The following SERPINH1 variants were observed in gnomAD, a reference collection of about 807,000 sequenced individuals.
The protein encoded by SERPINH1 is serpin H1.
Under a neutral mutation model 32.3 loss-of-function variants are expected in SERPINH1, and 22 were observed. That is an observed-to-expected ratio of 0.68 (90% CI 0.49 to 0.97). The LOEUF is 0.97. Among genes scored for constraint, SERPINH1 ranks in the 50% least tolerant of loss-of-function variants. The probability of loss-of-function intolerance (pLI) is 0.00; values close to 1 mark genes in which losing one functional copy is unlikely to be tolerated. For missense variants in SERPINH1, 543 were observed against 576.4 expected (o/e 0.94, Z 0.59); for synonymous variants, 251 against 245.9 (o/e 1.02, Z -0.19).
At position 75,566,515 on chromosome 11, in the gene SERPINH1, C is replaced by T. The variant is rs1330692923; in HGVS notation, c.166C>T (p.Gln56Ter). 1 of 1,612,316 alleles carries T rather than the reference C, an allele frequency of 6.2e-7. No homozygotes were observed. The change falls in exon 2 of 5, where the codon CAG (glutamine) becomes TAG (stop). Residue 56 changes from glutamine (Q) to a stop codon, truncating the protein, a stop_gained. Coordinates refer to ENST00000358171, the MANE Select transcript of SERPINH1 (RefSeq NM_001235.5). LOFTEE classifies it high-confidence loss of function. Reference sequence around the variant, plus strand: ...CGCCGGCCTGGCCTTCAGCTTGTACCAGGCCATGGCCAAGGACCAGGCAGT... The same window carrying T: ...CGCCGGCCTGGCCTTCAGCTTGTACTAGGCCATGGCCAAGGACCAGGCAGT... Reference protein sequence around the residue: ...RSAGLAFSLYQAMAKDQAVEN... With the variant: ...RSAGLAFSLY
In SERPINH1 at chr11:75,572,225, T is replaced by A; in HGVS notation, c.*142T>A. On this transcript the variant is annotated 3_prime_UTR_variant, in exon 5 of 5. Transcript: ENST00000358171. ...GTGGAAAAACAGACCGGGGTTCCCG[T>A]GTGCCTGAGCGGACCTTCCCAGCTA... 1 of 818,576 alleles carries A rather than the reference T, an allele frequency of 1.2e-6. No individual in the cohort carries two copies. Among genetic ancestry groups the A allele is most frequent in the South Asian group, 1.5e-5 (1 of 68,372 alleles). 50.7% of individuals were successfully genotyped at this position (818,576 alleles called of 1,614,324 possible). A position where few individuals can be genotyped will look rare whatever the true frequency, so the allele number is the denominator to read the frequency against.
Position 75,572,183 on chromosome 11 carries a change from T to G in SERPINH1, c.*100T>G. 5 of 1,138,378 alleles carry G rather than the reference T, an allele frequency of 4.4e-6. No individual in the cohort carries two copies. The highest frequency in any genetic ancestry group is 6.4e-6 in the Non-Finnish European group (5 of 776,612). 70.5% of individuals were successfully genotyped at this position (1,138,378 alleles called of 1,614,324 possible). A position where few individuals can be genotyped will look rare whatever the true frequency, so the allele number is the denominator to read the frequency against. ...GGGGAGGTGAGGTACCAGCCTTGGA[T>G]ACTCCATGGGGTGGGGGTGGAAAAA... On this transcript the variant is annotated 3_prime_UTR_variant, in exon 5 of 5. Transcript: ENST00000358171.
In SERPINH1 at chr11:75,571,868, C is replaced by T. The variant is rs757716271; in HGVS notation, c.1042C>T (p.Leu348=). ...CATGTCAGGCAAGAAGGACCTGTAC[C>T]TGGCCAGCGTGTTCCACGCCACCGC... ...SRMSGKKDLY[L]ASVFHATAFE... is the part of the protein sequence containing the mutation. Residue 348 remains leucine (L), a synonymous_variant, in exon 5 of 5, where the codon CTG becomes TTG. Coordinates refer to ENST00000358171, the MANE Select transcript of SERPINH1 (RefSeq NM_001235.5). The T allele has an allele frequency of 3.1e-6, 5 of 1,614,218 alleles. No homozygotes were observed. The highest frequency in any genetic ancestry group is 4.2e-6 in the Non-Finnish European group (5 of 1,180,036).
rs542950468 is a variant in SERPINH1 at position 75,568,491 on chromosome 11, C to T, written c.623-240C>T. The T allele has an allele frequency of 8.7e-6, 5 of 576,826 alleles. No individual in the cohort carries two copies. In the East Asian group the frequency reaches 1.2e-4, roughly 14 times the overall value. The allele number at this position is 576,826 out of a possible 1,614,324, so 35.7% of individuals were successfully genotyped here. On this transcript the variant is annotated intron_variant, in intron 2 of 4. Transcript: ENST00000358171. ...GAATTAATTCTCTATCATATGGGAGCAGCAGGCACTGACTGTAGGGAACCG... is the reference window on the plus strand; with the variant it reads ...GAATTAATTCTCTATCATATGGGAGTAGCAGGCACTGACTGTAGGGAACCG...
At position 75,569,116 on chromosome 11, in the gene SERPINH1, A is replaced by G. The variant is rs1173430313; in HGVS notation, c.899A>G (p.Lys300Arg). The change falls in exon 4 of 5, where the codon AAG becomes AGG. Residue 300 changes from lysine to arginine, a missense_variant. Around this residue, in one of 3 missense-constraint regions of SERPINH1, gnomAD observed 427 missense variants for 446.4 expected, o/e 0.96. Coordinates refer to ENST00000358171, the MANE Select transcript of SERPINH1 (RefSeq NM_001235.5). The stretch of plus-strand genomic sequence containing the variant: ...ATCTGGATGGGGAAGATGCAGAAGA[A>G]GGCTGTTGCCATCTCCTTGCCCAAG... ...LKIWMGKMQKKAVAISLPKGV... is the reference protein window; with the variant it reads ...LKIWMGKMQKRAVAISLPKGV... 6.2e-7 allele frequency: 1 copy of G among 1,613,970 alleles called. No homozygotes were observed. The highest frequency in any genetic ancestry group is 1.3e-5 in the African/African-American group (1 of 74,948).
chr11:75,568,911 C>G (rs1433062604), intron 3 of SERPINH1, 28 bp from the exon 4 acceptor site: 7 of 1,607,908 alleles, frequency 4.4e-6, no homozygotes, highest in Non-Finnish European at 8.5e-7. Context: ...ACACAGGGTG[C>G]CCAGTGTCCT....
Position 75,566,674 on chromosome 11 carries a change from G to C in SERPINH1, c.325G>C (p.Ala109Pro). The change falls in exon 2 of 5, where the codon GCC (alanine) becomes CCC (proline). Residue 109 changes from alanine to proline, a missense_variant. By Grantham distance (27) the Ala-to-Pro change is conservative (BLOSUM62 -1). Around this residue, in one of 3 missense-constraint regions of SERPINH1, gnomAD observed 427 missense variants for 446.4 expected, o/e 0.96. Coordinates refer to ENST00000358171, the MANE Select transcript of SERPINH1 (RefSeq NM_001235.5). The stretch of plus-strand genomic sequence containing the variant: ...GCAGCTGCGCGACGAGGAGGTGCAC[G>C]CCGGCCTGGGCGAGCTGCTGCGCTC... ...AEQLRDEEVH[A>P]GLGELLRSLS... is the part of the protein sequence containing the mutation. 1 of 1,608,284 alleles carries C rather than the reference G, an allele frequency of 6.2e-7. No individual in the cohort carries two copies. Among genetic ancestry groups the C allele is most frequent in the Non-Finnish European group, 8.5e-7 (1 of 1,178,100 alleles).
Position 75,571,863 on chromosome 11 carries a change from T to C in SERPINH1, c.1037T>C (p.Leu346Pro). ...TCACGCATGTCAGGCAAGAAGGACC[T>C]GTACCTGGCCAGCGTGTTCCACGCC... ...DLSRMSGKKDLYLASVFHATA... is the reference protein window; with the variant it reads ...DLSRMSGKKDPYLASVFHATA... Residue 346 changes from leucine (L) to proline (P), a missense_variant, in exon 5 of 5, where the codon CTG (leucine) becomes CCG (proline). Leu to Pro is a moderately conservative substitution (Grantham distance 98, BLOSUM62 -3). Coordinates refer to ENST00000358171, the MANE Select transcript of SERPINH1 (RefSeq NM_001235.5). 6.2e-7 allele frequency: 1 copy of C among 1,614,208 alleles called. No homozygotes were observed. The highest frequency in any genetic ancestry group is 1.1e-5 in the South Asian group (1 of 91,090).
At chr11:75,568,567 A>C in intron 2 of SERPINH1, 164 bp from the exon 3 acceptor site, 3 of 680,240 alleles carry the variant, frequency 4.4e-6, no homozygotes, top group Non-Finnish European at 8.1e-6. Flanking sequence ...AAAGCTGGGA[A>C]CATAGACTCT....
chr11:75,571,811 G>T lies in SERPINH1; in HGVS notation c.985G>T (p.Ala329Ser). The change falls in exon 5 of 5, where the codon GCC becomes TCC. Residue 329 changes from alanine (A) to serine (S), a missense_variant. Ala to Ser is a moderately conservative substitution (Grantham distance 99). Coordinates refer to ENST00000358171, the MANE Select transcript of SERPINH1 (RefSeq NM_001235.5). ...CCTGGCTGGGCTGGGCCTGACTGAG[G>T]CCATTGACAAGAACAAGGCCGACTT... ...KHLAGLGLTEAIDKNKADLSR... is the reference protein window; with the variant it reads ...KHLAGLGLTESIDKNKADLSR... 1.2e-6 allele frequency: 2 copies of T among 1,614,024 alleles called. No individual in the cohort carries two copies. Among genetic ancestry groups the T allele is most frequent in the Non-Finnish European group, 1.7e-6 (2 of 1,180,032 alleles).
Position 75,566,915 on chromosome 11 carries a change from C to G in SERPINH1, c.566C>G (p.Thr189Ser), listed in dbSNP as rs1416351184. Residue 189 changes from threonine (T) to serine (S), a missense_variant, in exon 2 of 5, where the codon ACC becomes AGC. Around this residue, in one of 3 missense-constraint regions of SERPINH1, gnomAD observed 427 missense variants for 446.4 expected, o/e 0.96. Coordinates refer to ENST00000358171, the MANE Select transcript of SERPINH1 (RefSeq NM_001235.5). ...QTTDGKLPEV[T>S]KDVERTDGAL... ...ACCGACGGCAAGCTGCCCGAGGTCA[C>G]CAAGGACGTGGAGCGCACGGACGGC... 2 of 1,607,306 alleles carry G rather than the reference C, an allele frequency of 1.2e-6. No homozygotes were observed. The highest frequency in any genetic ancestry group is 1.7e-6 in the Non-Finnish European group (2 of 1,179,904).
rs577079784 is a variant in SERPINH1, at chr11:75,572,275, C to T, written c.*192C>T. 4.6e-6 allele frequency: 3 copies of T among 649,324 alleles called. No individual in the cohort carries two copies. The East Asian group carries it at 8.2e-5, about 18-fold the overall frequency. 40.2% of individuals were successfully genotyped at this position (649,324 alleles called of 1,614,324 possible). On this transcript the variant is annotated 3_prime_UTR_variant, in exon 5 of 5. Transcript: ENST00000358171. Reference sequence around the variant, plus strand: ...AGAATTCACTCCACTTGGACATGGGCCCCAGATACCATGATGCTGAGCCCG... The same window carrying T: ...AGAATTCACTCCACTTGGACATGGGTCCCAGATACCATGATGCTGAGCCCG...
Position 75,566,778 on chromosome 11 carries a change from T to G in SERPINH1, c.429T>G (p.Ala143=). The stretch of plus-strand genomic sequence containing the variant: ...ACGGACCCAGCTCAGTGAGCTTCGC[T>G]GATGACTTCGTGCGCAGCAGCAAGC... ...RLYGPSSVSF[A]DDFVRSSKQH... The change falls in exon 2 of 5, where the codon GCT becomes GCG. Residue 143 remains alanine, a synonymous_variant. Transcript: ENST00000358171. 2 of 1,613,264 alleles carry G rather than the reference T, an allele frequency of 1.2e-6. No individual in the cohort carries two copies. The highest frequency in any genetic ancestry group is 1.7e-6 in the Non-Finnish European group (2 of 1,179,954).
intron 4 of SERPINH1, among the ~76,000 whole-genome samples, chr11:75,571,313 A>T (rs570813968): frequency 6.6e-5 from 10 of 152,286 alleles, no homozygotes; most frequent in Admixed American, 5.2e-4. Flanking sequence ...TCAGCCCCAG[A>T]GTGATGTGGA....
intron 1 of SERPINH1, among the ~76,000 whole-genome samples, chr11:75,564,447 T>G (rs769082450): frequency 3.3e-5 from 5 of 152,178 alleles, no homozygotes; most frequent in Non-Finnish European, 7.4e-5. Context: ...GCCTCTGCTG[T>G]GGTCTGAGCT....
rs765891402 is a variant in SERPINH1, at chr11:75,566,745, C to T, written c.396C>T (p.Ser132=). Reference sequence around the variant, plus strand: ...GCAACGTGACCTGGAAGCTGGGCAGCCGACTGTACGGACCCAGCTCAGTGA... The same window carrying T: ...GCAACGTGACCTGGAAGCTGGGCAGTCGACTGTACGGACCCAGCTCAGTGA... ...TARNVTWKLG[S]RLYGPSSVSF... is the part of the protein sequence containing the mutation. The change falls in exon 2 of 5, where the codon AGC becomes AGT. Residue 132 remains serine, a synonymous_variant. Coordinates refer to ENST00000358171, the MANE Select transcript of SERPINH1 (RefSeq NM_001235.5). The T allele has an allele frequency of 6.2e-7, 1 of 1,613,092 alleles. No individual in the cohort carries two copies. The highest frequency in any genetic ancestry group is 8.5e-7 in the Non-Finnish European group (1 of 1,179,880).
chr11:75,572,051 C>G lies in SERPINH1; in HGVS notation c.1225C>G (p.Pro409Ala), dbSNP rs1448285880. The G allele has an allele frequency of 6.2e-7, 1 of 1,614,146 alleles. No homozygotes were observed. Among genetic ancestry groups the G allele is most frequent in the Non-Finnish European group, 8.5e-7 (1 of 1,180,028 alleles). Residue 409 changes from proline to alanine, a missense_variant, in exon 5 of 5, where the codon CCT becomes GCT. Transcript: ENST00000358171. ...SLLFIGRLVR[P>A]KGDKMRDEL Reference sequence around the variant, plus strand: ...GCTATTCATTGGGCGCCTGGTCCGGCCTAAGGGTGACAAGATGCGAGACGA... The same window carrying G: ...GCTATTCATTGGGCGCCTGGTCCGGGCTAAGGGTGACAAGATGCGAGACGA...
rs7105575 is a variant in SERPINH1, at chr11:75,571,775, C to A, written c.955-6C>A. 8,805 of 1,613,152 alleles carry A rather than the reference C, an allele frequency of 5.5e-3. 463 individuals carry two copies. In the African/African-American group the frequency reaches 0.1, roughly 19 times the overall value. ...CCTCACCTGGCACACCTCCTTGTTC[C>A]CACAGAAACACCTGGCTGGGCTGGG... On this transcript the variant is annotated splice_region_variant and splice_polypyrimidine_tract_variant and intron_variant, in intron 4 of 4. Coordinates refer to ENST00000358171, the MANE Select transcript of SERPINH1 (RefSeq NM_001235.5).
At chr11:75,570,271 C>T (rs979636078) in intron 4 of SERPINH1, among the ~76,000 whole-genome samples, 7 of 152,282 alleles carry the variant, frequency 4.6e-5, no homozygotes, top group Admixed American at 4.6e-4. Flanking sequence ...GCCCAGAGAG[C>T]TTGGAGAGAT....
Sources: allele counts gnomAD v4.1 joint callset (sites outside exome capture counted in the v4.1 genomes callset), GRCh38; gene constraint gnomAD v4.1.1; regional missense constraint gnomAD v4.1.1; transcripts MANE v1.5; gene names NCBI Gene and HGNC (gene_info 2026-07-23, HGNC 2026-07-21).